Variants in BAZ2B observed in about 807,000 individuals in gnomAD.
BAZ2B encodes bromodomain adjacent to zinc finger domain 2B.
In BAZ2B, 91 loss-of-function variants were observed where a neutral mutation model predicts 246.0. That is an observed-to-expected ratio of 0.37 (90% CI 0.31 to 0.44). The LOEUF (loss-of-function observed/expected upper bound fraction) is 0.44. BAZ2B is among the 20% of genes least tolerant of loss of function. The pLI is 1.00. For synonymous variants in BAZ2B, 855 were observed against 860.0 expected, an observed-to-expected ratio of 0.99 and a Z score of 0.10; for missense variants, 2,332 against 2,533.7, an observed-to-expected ratio of 0.92 and a Z score of 1.71.
rs1316018196 is a variant in BAZ2B at position 159,349,803 on chromosome 2, G to A, written c.4768C>T (p.Pro1590Ser). ...GTAGGTGAAGGTGACTTAGATGGTGGCTGAGACTGAGGAGTCACCAAAGAA... is the reference window on the plus strand; with the variant it reads ...GTAGGTGAAGGTGACTTAGATGGTGACTGAGACTGAGGAGTCACCAAAGAA... ...TASLVTPQSQPPSKSPSPTPA... is the reference protein window; with the variant it reads ...TASLVTPQSQSPSKSPSPTPA... Residue 1590 changes from proline to serine, a missense_variant, in exon 28 of 37, where the codon CCA becomes TCA. By Grantham distance (74) the Pro-to-Ser change is moderately conservative. This residue lies in a region of BAZ2B where 676 missense variants were observed against 668.6 expected (regional missense o/e 1.01). Transcript: ENST00000392783. 6.2e-7 allele frequency: 1 copy of A among 1,614,108 alleles called. No individual in the cohort carries two copies. The highest frequency in any genetic ancestry group is 1.3e-5 in the African/African-American group (1 of 75,058).
At chr2:159,705,178 A>G in the BAZ2B span, among the ~76,000 whole-genome samples, 9 of 151,964 alleles carry the variant, frequency 5.9e-5, no homozygotes, top group Admixed American at 2.6e-4. Flanking sequence ...GTGCCATAAC[A>G]TCTGGCTAAT....
the BAZ2B span, among the ~76,000 whole-genome samples, chr2:159,653,456 T>C: frequency 5.4e-4 from 30 of 55,890 alleles, no homozygotes; most frequent in Non-Finnish European, 1.0e-3. Context: ...ATTCTTTCAA[T>C]AGAATATATC....
chr2:159,491,913 C>T (rs1166003148), intron 2 of BAZ2B, among the ~76,000 whole-genome samples: 1 of 151,944 alleles, frequency 6.6e-6, no homozygotes, highest in African/African-American at 2.4e-5. Flanking sequence ...TTATTACCAT[C>T]CTAATTCTTC....
rs914730917 is a variant in BAZ2B, at chr2:159,383,657, T to C, written c.3710A>G (p.Tyr1237Cys). The C allele has an allele frequency of 1.2e-6, 2 of 1,611,516 alleles. No homozygotes were observed. The highest frequency in any genetic ancestry group is 1.7e-6 in the Non-Finnish European group (2 of 1,178,728). The change falls in exon 24 of 37, where the codon TAT (tyrosine) becomes TGT (cysteine). Residue 1237 changes from tyrosine (Y) to cysteine (C), a missense_variant. Physicochemically the swap from Tyr to Cys is radical, Grantham distance 194. Transcript: ENST00000392783. ...TTTATCTCTCCTCAAGTTTGACATA[T>C]AATCAATGTTCTTGTCGATTTCACT... ...VVSEIDKNID[Y>C]MSNLRRDKWV...
At chr2:159,553,392 C>CAAAAAAAAAAAAAAAAAAAAAAAAAAAAA (rs35253250) in intron 2 of BAZ2B, among the ~76,000 whole-genome samples, 2 of 73,824 alleles carry the variant, frequency 2.7e-5, no homozygotes, top group African/African-American at 5.4e-5. Flanking sequence ...GACTCTGTCT[C>CAAAAAAAAAAAAAAAAAAAAAAAAAAAAA]AAAAAAAAAA....
intron 7 of BAZ2B, 70 bp downstream of exon 7, chr2:159,438,939 G>C: frequency 6.8e-7 from 1 of 1,465,548 alleles, no homozygotes; most frequent in Non-Finnish European, 9.3e-7. Flanking sequence ...CAGACTTTGA[G>C]AGTCAAGATA....
chr2:159,711,633 AT>A, the BAZ2B span, among the ~76,000 whole-genome samples: 1 of 152,136 alleles, frequency 6.6e-6, no homozygotes, highest in Non-Finnish European at 1.5e-5. Flanking sequence ...AAAACTTTTG[AT>A]TCATTATTCC....
At chr2:159,448,208 A>G in intron 5 of BAZ2B, 34 bp downstream of exon 5, 1 of 1,587,838 alleles carries the variant, frequency 6.3e-7, no homozygotes, top group Non-Finnish European at 8.5e-7. Flanking sequence ...AGAATGGAAG[A>G]TTTATAGTAC....
chr2:159,322,383 A>G (rs922736036), intron 36 of BAZ2B, among the ~76,000 whole-genome samples: 4 of 152,194 alleles, frequency 2.6e-5, no homozygotes, highest in African/African-American at 9.6e-5. Flanking sequence ...GAAAGGAAAC[A>G]TCATACTCAT....
intron 36 of BAZ2B, among the ~76,000 whole-genome samples, chr2:159,324,501 T>C (rs2063163114): frequency 1.3e-5 from 2 of 152,042 alleles, no homozygotes; most frequent in South Asian, 4.2e-4. Context: ...CTGATACTTT[T>C]CCTTACCTTC....
intron 27 of BAZ2B, among the ~76,000 whole-genome samples, chr2:159,362,315 C>T (rs1298060135): frequency 6.6e-6 from 1 of 152,158 alleles, no homozygotes; most frequent in African/African-American, 2.4e-5. Context: ...CCTTGATATG[C>T]ATATGTCCTA....
chr2:159,413,632 AG>A (rs1353044685), intron 13 of BAZ2B, among the ~76,000 whole-genome samples: 1 of 152,086 alleles, frequency 6.6e-6, no homozygotes, highest in Non-Finnish European at 1.5e-5. Flanking sequence ...TGTTTGAACC[AG>A]GGAGGTGGAG....
chr2:159,417,820 A>G (rs1049042516), intron 13 of BAZ2B, among the ~76,000 whole-genome samples: 1 of 152,212 alleles, frequency 6.6e-6, no homozygotes, highest in African/African-American at 2.4e-5. Context: ...GGCTCAGTCA[A>G]TTCTAAGGCA....
At chr2:159,385,475 G>A in intron 22 of BAZ2B, 106 bp from the exon 23 acceptor site, 3 of 942,740 alleles carry the variant, frequency 3.2e-6, no homozygotes, top group African/African-American at 1.7e-5. Context: ...CTACTGACAA[G>A]AGCTTTATTC....
chr2:159,518,471 A>G (rs776651404), intron 2 of BAZ2B, among the ~76,000 whole-genome samples: 4 of 152,174 alleles, frequency 2.6e-5, no homozygotes, highest in Non-Finnish European at 5.9e-5. Context: ...TGTACTCTGG[A>G]AAGTCCAAGA....
intron 35 of BAZ2B, among the ~76,000 whole-genome samples, 194 bp from the exon 36 acceptor site, chr2:159,325,148 T>TATATA (rs1242445301): frequency 7.8e-5 from 6 of 76,658 alleles, no homozygotes; most frequent in African/African-American, 3.1e-4. Flanking sequence ...TATATATATA[T>TATATA]GAGATAGGGT....
At chr2:159,689,717 G>C in the BAZ2B span, 1 of 428,888 alleles carries the variant, frequency 2.3e-6, no homozygotes, top group Admixed American at 3.2e-5. Flanking sequence ...ACGATAAATA[G>C]ATTGGCAAGA....
chr2:159,525,407 C>CAAGA (rs2084630401), intron 2 of BAZ2B, among the ~76,000 whole-genome samples: 1 of 152,132 alleles, frequency 6.6e-6, no homozygotes, highest in South Asian at 2.1e-4. Flanking sequence ...TGAAAAGCTC[C>CAAGA]AAGATCTGAA....
chr2:159,613,770 T>A (rs950756108), intron 1 of BAZ2B, among the ~76,000 whole-genome samples: 4 of 152,202 alleles, frequency 2.6e-5, no homozygotes, highest in Non-Finnish European at 5.9e-5. Flanking sequence ...CTGTTCTATG[T>A]GCTTTTAACT....
Sources: allele counts gnomAD v4.1 joint callset (sites outside exome capture counted in the v4.1 genomes callset), GRCh38; gene constraint gnomAD v4.1.1; regional missense constraint gnomAD v4.1.1; transcripts MANE v1.5; gene names NCBI Gene and HGNC (gene_info 2026-07-23, HGNC 2026-07-21).